The following SEMA6D variants were observed in gnomAD, a reference collection of about 807,000 sequenced individuals.
The protein encoded by SEMA6D is semaphorin-6D.
In SEMA6D, 35 loss-of-function variants were observed where a neutral mutation model predicts 106.6. The ratio of observed to expected loss-of-function variants is 0.33; its 90% CI spans 0.25 to 0.44. The LOEUF (loss-of-function observed/expected upper bound fraction) is 0.44. Ranked by LOEUF, SEMA6D falls within the 20% of genes least tolerant of loss-of-function variation. SEMA6D has a pLI of 1.00. For missense variants in SEMA6D, 1,185 were observed against 1,345.9 expected, an observed-to-expected ratio of 0.88 and a Z score of 1.87; for synonymous variants, 499 against 487.7, an observed-to-expected ratio of 1.02 and a Z score of -0.31.
At chr15:47,568,438 A>AGTTT (rs1257389341) in intron 3 of SEMA6D, among the ~76,000 whole-genome samples, 6 of 152,144 alleles carry the variant, frequency 3.9e-5, no homozygotes, top group African/African-American at 1.4e-4. Context: ...TGACAAGGTG[A>AGTTT]ATTTACAAGC....
At chr15:47,751,750 C>G (rs2081449254) in intron 1 of SEMA6D, among the ~76,000 whole-genome samples, 1 of 152,102 alleles carries the variant, frequency 6.6e-6, no homozygotes. Context: ...TGTGGTGATT[C>G]AGGACACATG....
intron 2 of SEMA6D, among the ~76,000 whole-genome samples, chr15:47,420,958 TA>T (rs1161614981): frequency 6.6e-6 from 1 of 152,122 alleles, no homozygotes; most frequent in Non-Finnish European, 1.5e-5. Context: ...CCATTGGGGT[TA>T]TCATGAAGCA....
chr15:47,390,083 G>A (rs2039975311), intron 1 of SEMA6D, among the ~76,000 whole-genome samples: 1 of 152,108 alleles, frequency 6.6e-6, no homozygotes, highest in Admixed American at 6.6e-5. Flanking sequence ...AAACTCAGTG[G>A]CTTAAAGTGA....
At chr15:47,608,898 AAT>A (rs3050574) in intron 4 of SEMA6D, among the ~76,000 whole-genome samples, 27,610 of 152,024 alleles carry the variant, frequency 0.18, 2,827 homozygotes, top group African/African-American at 0.26. Context: ...ATTATACAAA[AAT>A]AAGCATTAAT....
At chr15:47,767,191 C>G in intron 17 of SEMA6D, 98 bp downstream of exon 17, 1 of 763,086 alleles carries the variant, frequency 1.3e-6, no homozygotes. Flanking sequence ...GTTTGGCAGC[C>G]CTTCATTTTT....
chr15:47,242,694 A>G (rs556042650), intron 1 of SEMA6D, among the ~76,000 whole-genome samples: 2 of 152,310 alleles, frequency 1.3e-5, no homozygotes, highest in East Asian at 1.9e-4. Context: ...ACGGTCAACT[A>G]TATGCAGGAT....
chr15:47,473,876 G>T (rs1296938254), intron 3 of SEMA6D, among the ~76,000 whole-genome samples: 1 of 151,960 alleles, frequency 6.6e-6, no homozygotes, highest in Admixed American at 6.6e-5. Context: ...TGACTATATT[G>T]TGATGGTGGC....
intron 1 of SEMA6D, among the ~76,000 whole-genome samples, chr15:47,257,917 G>A (rs1006918941): frequency 1.3e-5 from 2 of 152,088 alleles, no homozygotes; most frequent in African/African-American, 2.4e-5. Flanking sequence ...TATGCTTAAT[G>A]TATTTTGAGG....
intron 1 of SEMA6D, among the ~76,000 whole-genome samples, chr15:47,287,588 G>A (rs568437269): frequency 8.8e-4 from 134 of 152,244 alleles, no homozygotes; most frequent in Non-Finnish European, 1.4e-3. Flanking sequence ...TTATACCTCA[G>A]AATCAGCTCT....
At chr15:47,350,314 G>A (rs2144771069) in intron 1 of SEMA6D, among the ~76,000 whole-genome samples, 1 of 152,210 alleles carries the variant, frequency 6.6e-6, no homozygotes, top group South Asian at 2.1e-4. Context: ...CTCATACCCT[G>A]CATACAGCAT....
intron 1 of SEMA6D, among the ~76,000 whole-genome samples, chr15:47,264,372 T>C (rs536546546): frequency 6.6e-6 from 1 of 152,162 alleles, no homozygotes; most frequent in East Asian, 1.9e-4. Flanking sequence ...TGCAAGGTTT[T>C]TGGGGGACTT....
At chr15:47,412,871 C>G in intron 2 of SEMA6D, among the ~76,000 whole-genome samples, 1 of 152,082 alleles carries the variant, frequency 6.6e-6, no homozygotes, top group Non-Finnish European at 1.5e-5. Context: ...GCAGTCATAC[C>G]CTTAACATGG....
intron 1 of SEMA6D, among the ~76,000 whole-genome samples, chr15:47,340,489 C>A (rs1228729499): frequency 6.6e-6 from 1 of 152,158 alleles, no homozygotes; most frequent in African/African-American, 2.4e-5. Context: ...AGTCTGTTTC[C>A]CTTTTCATCA....
At chr15:47,639,846 CAAAG>C (rs2077456477) in intron 4 of SEMA6D, among the ~76,000 whole-genome samples, 1 of 152,070 alleles carries the variant, frequency 6.6e-6, no homozygotes, top group Non-Finnish European at 1.5e-5. Context: ...TCACCAAAAA[CAAAG>C]AAAGTCTGAG....
intron 3 of SEMA6D, among the ~76,000 whole-genome samples, chr15:47,504,389 A>G (rs1341818291): frequency 5.9e-5 from 9 of 152,018 alleles, no homozygotes. Context: ...TCTCTTCTTC[A>G]GGAGAGAGGA....
intron 4 of SEMA6D, among the ~76,000 whole-genome samples, chr15:47,607,649 G>A (rs1379895749): frequency 6.6e-6 from 1 of 152,232 alleles, no homozygotes; most frequent in Non-Finnish European, 1.5e-5. Context: ...GCCTAATTAA[G>A]ATTCAGCCCT....
At chr15:47,527,303 C>T (rs2044794587) in intron 3 of SEMA6D, among the ~76,000 whole-genome samples, 1 of 152,062 alleles carries the variant, frequency 6.6e-6, no homozygotes, top group South Asian at 2.1e-4. Flanking sequence ...CAATGTTTAA[C>T]TTATACAAGT....
intron 2 of SEMA6D, among the ~76,000 whole-genome samples, chr15:47,462,955 A>C (rs150693314): frequency 2.0e-5 from 3 of 152,254 alleles, no homozygotes; most frequent in Non-Finnish European, 4.4e-5. Context: ...AAAGAGGCAC[A>C]TGGACAGAGA....
intron 1 of SEMA6D, among the ~76,000 whole-genome samples, chr15:47,297,347 A>G (rs1347827592): frequency 6.6e-6 from 1 of 152,150 alleles, no homozygotes; most frequent in Non-Finnish European, 1.5e-5. Flanking sequence ...CTCTCACTTA[A>G]GCCACTGTTA....
Sources: allele counts gnomAD v4.1 joint callset (sites outside exome capture counted in the v4.1 genomes callset), GRCh38; gene constraint gnomAD v4.1.1; transcripts MANE v1.5; gene names NCBI Gene and HGNC (gene_info 2026-07-23, HGNC 2026-07-21).